KIAA1549L: variants seen among roughly 807,000 people sequenced by gnomAD.
The protein encoded by KIAA1549L is UPF0606 protein KIAA1549L.
KIAA1549L carries 88 observed loss-of-function variants against 160.7 expected under a neutral mutation model. The observed-to-expected ratio is 0.55, with a 90% CI of 0.46 to 0.65. The LOEUF (loss-of-function observed/expected upper bound fraction) is 0.65. Among genes scored for constraint, KIAA1549L ranks in the 30% least tolerant of loss-of-function variants. KIAA1549L has a pLI of 0.00. For missense variants in KIAA1549L, 2,258 were observed against 2,437.5 expected, an observed-to-expected ratio of 0.93 and a Z score of 1.55; for synonymous variants, 950 against 976.7, an observed-to-expected ratio of 0.97 and a Z score of 0.51.
chr11:33,397,634 C>T (rs1303415409), intron 1 of KIAA1549L, among the ~76,000 whole-genome samples: 1 of 151,484 alleles, frequency 6.6e-6, no homozygotes, highest in Admixed American at 6.6e-5. Context: ...ATCTCTTGAA[C>T]TTGGGAGGCG....
At chr11:33,402,695 C>A (rs942232226) in intron 1 of KIAA1549L, among the ~76,000 whole-genome samples, 1 of 152,154 alleles carries the variant, frequency 6.6e-6, no homozygotes, top group African/African-American at 2.4e-5. Context: ...CTTTGAAAAC[C>A]AGAAGCCCTG....
At chr11:33,623,287 G>A (rs1481906473) in intron 16 of KIAA1549L, among the ~76,000 whole-genome samples, 1 of 152,136 alleles carries the variant, frequency 6.6e-6, no homozygotes, top group Non-Finnish European at 1.5e-5. Context: ...TGGAGATTTT[G>A]TCCTTTATTC....
At position 33,544,767 on chromosome 11, in the gene KIAA1549L, C is replaced by T. The variant is rs781582126; in HGVS notation, c.2774C>T (p.Ala925Val). ...AACTTTGTTTTTTCTCTCTTTACAG[C>T]GGACACAGTATCATCTAAGGTACAG... is the stretch of plus-strand genomic sequence containing the variant. ...RASQHPKKWTADTVSSKVQPT... is the reference protein window; with the variant it reads ...RASQHPKKWTVDTVSSKVQPT... Residue 925 changes from alanine (A) to valine (V), a missense_variant and splice_region_variant, in exon 3 of 21, where the codon GCG (alanine) becomes GTG (valine). This residue lies in a region of KIAA1549L where 41 missense variants were observed against 79.8 expected (regional missense o/e 0.51). Transcript: ENST00000658780. 116 of 1,584,968 alleles carry T rather than the reference C, an allele frequency of 7.3e-5. No individual in the cohort carries two copies. The highest frequency in any genetic ancestry group is 4.9e-4 in the African/African-American group (36 of 74,126).
At chr11:33,602,455 A>G (rs184768515) in intron 13 of KIAA1549L, among the ~76,000 whole-genome samples, 15 of 152,338 alleles carry the variant, frequency 9.8e-5, no homozygotes, top group African/African-American at 3.6e-4. Context: ...GCTTTAATGA[A>G]ATTTTCAGAA....
At chr11:33,400,098 C>T (rs1002491482) in intron 1 of KIAA1549L, among the ~76,000 whole-genome samples, 1 of 152,180 alleles carries the variant, frequency 6.6e-6, no homozygotes, top group African/African-American at 2.4e-5. Flanking sequence ...ATTTCTAGAA[C>T]AGTCTTGTTA....
Position 33,668,139 on chromosome 11 carries a change from T to C in KIAA1549L, c.6426T>C (p.Phe2142=). 6.2e-7 allele frequency: 1 copy of C among 1,613,602 alleles called. No homozygotes were observed. The highest frequency in any genetic ancestry group is 1.1e-5 in the South Asian group (1 of 90,906). The change falls in exon 21 of 21, where the codon TTT becomes TTC. Residue 2142 remains phenylalanine, a synonymous_variant. Coordinates refer to ENST00000658780, the MANE Select transcript of KIAA1549L (RefSeq NM_012194.3). ...TGGCCAAAAAACAGACAGACATGTTTGAGTTCCAGGTCTAACGCCTTAGCC... is the reference window on the plus strand; with the variant it reads ...TGGCCAAAAAACAGACAGACATGTTCGAGTTCCAGGTCTAACGCCTTAGCC... ...AKLAKKQTDM[F]EFQV
At chr11:33,512,143 C>A (rs994696935) in intron 1 of KIAA1549L, among the ~76,000 whole-genome samples, 1 of 152,072 alleles carries the variant, frequency 6.6e-6, no homozygotes, top group Non-Finnish European at 1.5e-5. Flanking sequence ...TGTCAGTGGC[C>A]AGATTGTTGA....
At chr11:33,501,479 A>G (rs184092909) in intron 1 of KIAA1549L, among the ~76,000 whole-genome samples, 8 of 152,324 alleles carry the variant, frequency 5.3e-5, no homozygotes, top group African/African-American at 1.4e-4. Context: ...TGAGTCTTCT[A>G]TATTCCAGGA....
intron 19 of KIAA1549L, among the ~76,000 whole-genome samples, chr11:33,659,340 C>A (rs1325857362): frequency 6.6e-6 from 1 of 152,142 alleles, no homozygotes; most frequent in Non-Finnish European, 1.5e-5. Flanking sequence ...TAAATGATAT[C>A]ATGGCATACA....
At chr11:33,453,986 T>G (rs566447042) in intron 1 of KIAA1549L, among the ~76,000 whole-genome samples, 22 of 152,350 alleles carry the variant, frequency 1.4e-4, no homozygotes, top group African/African-American at 4.8e-4. Flanking sequence ...TTAATTCCTC[T>G]GTTGCCAAAG....
intron 16 of KIAA1549L, among the ~76,000 whole-genome samples, chr11:33,627,289 A>G (rs1368923120): frequency 2.7e-5 from 4 of 148,818 alleles, no homozygotes; most frequent in African/African-American, 1.0e-4. Context: ...GTGAGGGAGG[A>G]TTCCCTCTTT....
At chr11:33,513,473 C>T (rs2133110357) in intron 1 of KIAA1549L, among the ~76,000 whole-genome samples, 1 of 152,262 alleles carries the variant, frequency 6.6e-6, no homozygotes, top group South Asian at 2.1e-4. Context: ...GGAGAACAAC[C>T]ATTCAGTCCA....
At chr11:33,435,826 ATATATG>A (rs1851363807) in intron 1 of KIAA1549L, among the ~76,000 whole-genome samples, 1 of 60,076 alleles carries the variant, frequency 1.7e-5, no homozygotes, top group Non-Finnish European at 3.0e-5. Flanking sequence ...GTGTATATAT[ATATATG>A]TATATGTATA....
chr11:33,534,635 T>C (rs1285624087), intron 1 of KIAA1549L, among the ~76,000 whole-genome samples: 1 of 152,200 alleles, frequency 6.6e-6, no homozygotes, highest in Non-Finnish European at 1.5e-5. Context: ...AACATTTCAA[T>C]GCGTTTGCTG....
intron 1 of KIAA1549L, among the ~76,000 whole-genome samples, chr11:33,478,978 T>C (rs1305316244): frequency 6.6e-6 from 1 of 152,246 alleles, no homozygotes; most frequent in Non-Finnish European, 1.5e-5. Flanking sequence ...AAGCTCAGAC[T>C]TGGGCATGTT....
At chr11:33,632,538 A>G (rs1851326234) in intron 16 of KIAA1549L, among the ~76,000 whole-genome samples, 1 of 152,112 alleles carries the variant, frequency 6.6e-6, no homozygotes, top group Non-Finnish European at 1.5e-5. Flanking sequence ...AGGCCATCAC[A>G]GTGCCTGCTA....
chr11:33,415,498 T>C (rs543284607), intron 1 of KIAA1549L, among the ~76,000 whole-genome samples: 1 of 151,976 alleles, frequency 6.6e-6, no homozygotes, highest in Non-Finnish European at 1.5e-5. Flanking sequence ...AGGCCTGAAG[T>C]TGAAAGTGGG....
intron 1 of KIAA1549L, among the ~76,000 whole-genome samples, chr11:33,413,862 C>T (rs771278916): frequency 1.3e-5 from 2 of 152,124 alleles, no homozygotes; most frequent in East Asian, 3.9e-4. Flanking sequence ...TTTAGACTGT[C>T]TTATGGAGGG....
intron 1 of KIAA1549L, among the ~76,000 whole-genome samples, chr11:33,387,937 C>A (rs1197506308): frequency 6.6e-6 from 1 of 152,178 alleles, no homozygotes; most frequent in Non-Finnish European, 1.5e-5. Context: ...GAAGAGTTTT[C>A]CCACAGTTTG....
Sources: gnomAD v4.1 joint callset for allele counts (sites outside exome capture counted in the v4.1 genomes callset) on GRCh38, gnomAD v4.1.1 for gene constraint, gnomAD v4.1.1 regional missense constraint, MANE v1.5 for transcripts, NCBI Gene and HGNC (gene_info 2026-07-23, HGNC 2026-07-21) for gene names.